DYSF: variants seen among roughly 807,000 people sequenced by gnomAD.
DYSF encodes dystrophy-associated fer-1-like 1.
A neutral mutation model predicts 274.9 loss-of-function variants in DYSF; 212 were observed. The observed-to-expected ratio is 0.77, with a 90% confidence interval of 0.69 to 0.86. The LOEUF is 0.86. Among genes scored for constraint, DYSF ranks in the 40% least tolerant of loss-of-function variants. DYSF has a pLI of 0.00. For synonymous variants in DYSF, 1,091 were observed against 1,078.7 expected, an observed-to-expected ratio of 1.01 and a Z score of -0.22; for missense variants, 2,666 against 2,783.2, an observed-to-expected ratio of 0.96 and a Z score of 0.95.
In DYSF at chr2:71,559,044, G is replaced by C. The variant is rs114439118; in HGVS notation, c.2217-2708G>C. On this transcript the variant is annotated intron_variant, in intron 22 of 55. Transcript: ENST00000410020. ...CCAGTCAGCCTGGCCCACTTCTCCA[G>C]CATCGGTGTTCCTCATTCCATCTCA... 3.1e-3 allele frequency among the ~76,000 whole-genome samples: 479 copies of C among 152,280 alleles called. 3 individuals carry two copies. Among genetic ancestry groups the C allele is most frequent in the African/African-American group, 0.011 (453 of 41,566 alleles).
upstream of DYSF, among the ~76,000 whole-genome samples, chr2:71,463,539 C>T (rs1277883655): frequency 6.6e-6 from 1 of 152,258 alleles, no homozygotes; most frequent in African/African-American, 2.4e-5. Context: ...GCCAGACTCT[C>T]CACTGCAGCC....
intron 23 of DYSF, 122 bp from the exon 24 acceptor site, chr2:71,563,936 G>T: frequency 1.4e-6 from 2 of 1,385,728 alleles, no homozygotes; most frequent in Non-Finnish European, 1.0e-6. Context: ...CAGTGTGTGG[G>T]ATGGAAGCTG....
chr2:71,513,922 G>A lies in DYSF; in HGVS notation c.759+1G>A. On this transcript the variant is annotated splice_donor_variant, in intron 7 of 55. Transcript: ENST00000410020. LOFTEE classifies it high-confidence loss of function. ...GTCAGACAAACCGCAGGATTTCCAG[G>A]TGATGAACGGGCTTTCTCTGACCCC... The A allele has an allele frequency of 3.1e-6, 5 of 1,614,166 alleles. No individual in the cohort carries two copies. Among genetic ancestry groups the A allele is most frequent in the South Asian group, 1.1e-5 (1 of 91,084 alleles).
chr2:71,609,647 A>C (rs2093711199), intron 36 of DYSF, among the ~76,000 whole-genome samples: 1 of 152,232 alleles, frequency 6.6e-6, no homozygotes, highest in Non-Finnish European at 1.5e-5. Flanking sequence ...CCAAGGCCTA[A>C]TGGCGAGGAG....
intron 4 of DYSF, among the ~76,000 whole-genome samples, chr2:71,507,713 T>A (rs1233999647): frequency 1.3e-5 from 2 of 152,224 alleles, no homozygotes; most frequent in African/African-American, 2.4e-5. Flanking sequence ...ATCTTTCAGA[T>A]GTGGGCCCAA....
chr2:71,517,658 G>T (rs187125572), intron 10 of DYSF, among the ~76,000 whole-genome samples: 1 of 152,096 alleles, frequency 6.6e-6, no homozygotes, highest in Non-Finnish European at 1.5e-5. Flanking sequence ...AGGTGCGCAC[G>T]GGAGTTAGGC....
chr2:71,667,963 G>A (rs980935470), intron 48 of DYSF, among the ~76,000 whole-genome samples: 3 of 152,136 alleles, frequency 2.0e-5, no homozygotes, highest in African/African-American at 7.2e-5. Context: ...CCCACAGAGA[G>A]CAGTCCTCAG....
At position 71,590,206 on chromosome 2, in the gene DYSF, T is replaced by C; in HGVS notation, c.3497-5T>C. The stretch of plus-strand genomic sequence containing the variant: ...CTGGCACCTCTGTTTTTTCCCTTGG[T>C]GAAGATGGGAACCGCTACCATCTAC... On this transcript the variant is annotated splice_region_variant and splice_polypyrimidine_tract_variant and intron_variant, in intron 31 of 55. Coordinates refer to ENST00000410020, the MANE Select transcript of DYSF (RefSeq NM_001130987.2). 7 of 1,613,976 alleles carry C rather than the reference T, an allele frequency of 4.3e-6. No homozygotes were observed. Among genetic ancestry groups the C allele is most frequent in the Non-Finnish European group, 5.9e-6 (7 of 1,179,970 alleles).
rs758429338 is a variant in DYSF at position 71,561,965 on chromosome 2, C to G, written c.2409+21C>G. 19 of 1,608,638 alleles carry G rather than the reference C, an allele frequency of 1.2e-5. No homozygotes were observed. The African/African-American group carries it at 2.4e-4, about 20-fold the overall frequency. The stretch of plus-strand genomic sequence containing the variant: ...AGGAGGTAATTAAGCCTGGGGGTGC[C>G]TTTCTTCTTCTGCTCTCCTGCTGCC... On this transcript the variant is annotated intron_variant, in intron 23 of 55. Transcript: ENST00000410020.
chr2:71,536,383 G>A (rs908865427), intron 16 of DYSF, among the ~76,000 whole-genome samples: 5 of 152,250 alleles, frequency 3.3e-5, no homozygotes, highest in Admixed American at 6.5e-5. Flanking sequence ...AGGAAAGAGA[G>A]CCGCCAGGAG....
At chr2:71,515,482 C>A in intron 7 of DYSF, 141 bp from the exon 8 acceptor site, 1 of 1,235,200 alleles carries the variant, frequency 8.1e-7, no homozygotes, top group Non-Finnish European at 1.2e-6. Flanking sequence ...TCGTATAATG[C>A]TCTTCCTAAT....
At chr2:71,580,648 C>T (rs915566658) in intron 30 of DYSF, among the ~76,000 whole-genome samples, 9 of 152,166 alleles carry the variant, frequency 5.9e-5, no homozygotes, top group Admixed American at 4.6e-4. Flanking sequence ...CTCTGTGGAT[C>T]TCTGGACTCT....
chr2:71,549,694 G>A (rs1306741430), intron 17 of DYSF, among the ~76,000 whole-genome samples: 1 of 151,782 alleles, frequency 6.6e-6, no homozygotes, highest in Admixed American at 6.6e-5. Context: ...GTAGGGGCAG[G>A]CATGGGGGTC....
Position 71,664,422 on chromosome 2 carries a change from C to T in DYSF, c.5158C>T (p.Pro1720Ser), listed in dbSNP as rs753176482. 6.2e-7 allele frequency: 1 copy of T among 1,614,116 alleles called. No homozygotes were observed. The highest frequency in any genetic ancestry group is 8.5e-7 in the Non-Finnish European group (1 of 1,180,008). Reference protein sequence around the residue: ...LSKFGARCGLPQTYCVSGPNQ... With the variant: ...LSKFGARCGLSQTYCVSGPNQ... ...CAAGTTTGGGGCTCGCTGTGGACTCCCACAGACCTACTGTGTGTACGTGGA... is the reference window on the plus strand; with the variant it reads ...CAAGTTTGGGGCTCGCTGTGGACTCTCACAGACCTACTGTGTGTACGTGGA... The change falls in exon 46 of 56, where the codon CCA becomes TCA. Residue 1720 changes from proline to serine, a missense_variant. This residue lies in a region of DYSF where 1,460 missense variants were observed against 1,502.1 expected (regional missense o/e 0.97). Transcript: ENST00000410020.
At chr2:71,537,331 T>C (rs1259435356) in intron 16 of DYSF, among the ~76,000 whole-genome samples, 9 of 142,386 alleles carry the variant, frequency 6.3e-5, no homozygotes, top group Non-Finnish European at 1.1e-4. Flanking sequence ...ATGCAACCTC[T>C]GCCTCCCAGG....
chr2:71,677,018 C>T (rs547159381), intron 52 of DYSF, among the ~76,000 whole-genome samples: 1 of 152,132 alleles, frequency 6.6e-6, no homozygotes, highest in Admixed American at 6.5e-5. Context: ...AACATTCATT[C>T]ATCTGCACTG....
upstream of DYSF, among the ~76,000 whole-genome samples, chr2:71,461,733 T>A (rs2081291926): frequency 6.6e-6 from 1 of 152,156 alleles, no homozygotes; most frequent in South Asian, 2.1e-4. Flanking sequence ...GTGGTAAGAC[T>A]TGGTGGAGTC....
intron 16 of DYSF, among the ~76,000 whole-genome samples, chr2:71,537,813 T>C (rs1003521222): frequency 1.3e-5 from 2 of 152,144 alleles, no homozygotes. Context: ...CATCTGAAGC[T>C]GCCCATGGCT....
At chr2:71,536,649 G>A (rs1045065723) in intron 16 of DYSF, among the ~76,000 whole-genome samples, 1 of 152,194 alleles carries the variant, frequency 6.6e-6, no homozygotes, top group African/African-American at 2.4e-5. Flanking sequence ...AGGCATCGGC[G>A]TACTGTACAA....
Sources: gnomAD v4.1 joint callset for allele counts (sites outside exome capture counted in the v4.1 genomes callset) on GRCh38, gnomAD v4.1.1 for gene constraint, gnomAD v4.1.1 regional missense constraint, MANE v1.5 for transcripts, NCBI Gene and HGNC (gene_info 2026-07-23, HGNC 2026-07-21) for gene names.